LY96: variants seen among roughly 807,000 people sequenced by gnomAD.
The protein encoded by LY96 is myeloid differentiation protein-2.
LY96 carries 18 observed loss-of-function variants against 18.9 expected under a neutral mutation model. That is an observed-to-expected ratio of 0.95 (90% CI 0.66 to 1.41). LY96 has a LOEUF of 1.41. Among genes scored for constraint, LY96 ranks in the 40% most tolerant of loss-of-function variants. The pLI, the probability that LY96 is intolerant of heterozygous loss-of-function variation, is 0.00. For synonymous variants in LY96, 66 were observed against 62.6 expected (o/e 1.06, Z -0.26); for missense variants, 175 against 182.4 (o/e 0.96, Z 0.23).
At chr8:74,067,342 C>T in the LY96 span, among the ~76,000 whole-genome samples, 1 of 152,276 alleles carries the variant, frequency 6.6e-6, no homozygotes, top group South Asian at 2.1e-4. Flanking sequence ...AGTGATACTT[C>T]CATCAGCCTC....
At chr8:74,067,811 A>G in the LY96 span, among the ~76,000 whole-genome samples, 7 of 152,090 alleles carry the variant, frequency 4.6e-5, no homozygotes, top group Non-Finnish European at 1.0e-4. Flanking sequence ...CCTATAATCC[A>G]GCACTTTGGG....
At chr8:74,004,278 T>C (rs1006776571) in intron 1 of LY96, among the ~76,000 whole-genome samples, 40 of 152,238 alleles carry the variant, frequency 2.6e-4, no homozygotes, top group Non-Finnish European at 1.0e-4. Flanking sequence ...CCCTGGGTGG[T>C]AGACTGTGCC....
chr8:73,996,373 CTTTCTTTCT>C (rs1816136997), intron 1 of LY96, among the ~76,000 whole-genome samples: 26 of 18,036 alleles, frequency 1.4e-3, no homozygotes, highest in Non-Finnish European at 2.3e-3. Flanking sequence ...TCCTTCATTC[CTTTCTTTCT>C]TTCTTTCTTT....
At chr8:74,055,157 C>T in the LY96 span, among the ~76,000 whole-genome samples, 1 of 152,168 alleles carries the variant, frequency 6.6e-6, no homozygotes, top group East Asian at 1.9e-4. Flanking sequence ...ATCTTCTCGC[C>T]TTAGCCTCCC....
the LY96 span, among the ~76,000 whole-genome samples, chr8:74,035,969 G>T: frequency 1.3e-5 from 2 of 152,170 alleles, no homozygotes; most frequent in Admixed American, 1.3e-4. Context: ...GCTGTATCCT[G>T]ATTACCTAGG....
chr8:73,996,468 T>C (rs1170082841), intron 1 of LY96, among the ~76,000 whole-genome samples: 1 of 146,764 alleles, frequency 6.8e-6, no homozygotes, highest in Non-Finnish European at 1.5e-5. Flanking sequence ...GCTGTGTCAC[T>C]GAGGCTGGAG....
At chr8:73,997,982 T>A (rs568454536) in intron 1 of LY96, among the ~76,000 whole-genome samples, 4 of 152,172 alleles carry the variant, frequency 2.6e-5, no homozygotes, top group Non-Finnish European at 5.9e-5. Flanking sequence ...GGGGTGTTCA[T>A]CATGTAGGCA....
At chr8:74,071,492 T>C in the LY96 span, among the ~76,000 whole-genome samples, 12,927 of 152,070 alleles carry the variant, frequency 0.085, 953 homozygotes, top group African/African-American at 0.21. Flanking sequence ...AAAAAATTGA[T>C]AATATACATG....
At chr8:74,067,798 A>C in the LY96 span, among the ~76,000 whole-genome samples, 1 of 152,072 alleles carries the variant, frequency 6.6e-6, no homozygotes, top group Non-Finnish European at 1.5e-5. Flanking sequence ...GCAGTGACTT[A>C]CGCCTATAAT....
intron 1 of LY96, among the ~76,000 whole-genome samples, chr8:73,995,607 T>C (rs1816110504): frequency 6.6e-6 from 1 of 152,152 alleles, no homozygotes; most frequent in African/African-American, 2.4e-5. Context: ...TGGCAAAAAT[T>C]GACTGATTTA....
chr8:73,994,021 G>T (rs894344038), intron 1 of LY96, among the ~76,000 whole-genome samples: 15 of 151,704 alleles, frequency 9.9e-5, no homozygotes, highest in Non-Finnish European at 1.8e-4. Flanking sequence ...GTCTCATTCT[G>T]TCATCTAGGC....
At chr8:74,097,169 T>C in the LY96 span, among the ~76,000 whole-genome samples, 2 of 152,298 alleles carry the variant, frequency 1.3e-5, no homozygotes, top group East Asian at 3.9e-4. Flanking sequence ...GCCTTGAAAG[T>C]AGATATGTGG....
At chr8:74,084,883 G>C in the LY96 span, among the ~76,000 whole-genome samples, 1 of 152,174 alleles carries the variant, frequency 6.6e-6, no homozygotes. Context: ...CCAAAGTGCT[G>C]GGATTACAGG....
At chr8:74,058,032 G>A in the LY96 span, among the ~76,000 whole-genome samples, 27 of 152,144 alleles carry the variant, frequency 1.8e-4, 1 homozygote, top group Non-Finnish European at 3.1e-4. Context: ...GAGCCTAAGG[G>A]CAGCTAGTAG....
the LY96 span, among the ~76,000 whole-genome samples, chr8:74,087,355 T>C: frequency 6.6e-6 from 1 of 152,188 alleles, no homozygotes; most frequent in Non-Finnish European, 1.5e-5. Flanking sequence ...AAGTGCCCAG[T>C]TGTATTTTAT....
downstream of LY96, among the ~76,000 whole-genome samples, chr8:74,030,904 G>A (rs920250797): frequency 6.6e-6 from 1 of 152,214 alleles, no homozygotes; most frequent in Non-Finnish European, 1.5e-5. Flanking sequence ...TTGGAGGACA[G>A]GCTTTCTGGA....
At chr8:74,002,015 C>T (rs1563710594) in intron 1 of LY96, among the ~76,000 whole-genome samples, 1 of 5,164 alleles carries the variant, frequency 1.9e-4, no homozygotes, top group Non-Finnish European at 3.7e-4. Flanking sequence ...TTCTTCCTTC[C>T]TTCCTTCCTT....
At chr8:74,057,938 G>C in the LY96 span, among the ~76,000 whole-genome samples, 1 of 152,124 alleles carries the variant, frequency 6.6e-6, no homozygotes, top group African/African-American at 2.4e-5. Context: ...AGTAGAAAAG[G>C]GTTCCAGCTA....
chr8:74,054,320 G>T, the LY96 span, among the ~76,000 whole-genome samples: 1 of 151,890 alleles, frequency 6.6e-6, no homozygotes, highest in African/African-American at 2.4e-5. Flanking sequence ...GAGCAACCGT[G>T]CTTGGCCAAC....
Sources: gnomAD v4.1 joint callset for allele counts (sites outside exome capture counted in the v4.1 genomes callset) on GRCh38, gnomAD v4.1.1 for gene constraint, MANE v1.5 for transcripts, NCBI Gene and HGNC (gene_info 2026-07-23, HGNC 2026-07-21) for gene names.